The following ZNF106 variants were observed in gnomAD, a reference collection of about 807,000 sequenced individuals.
ZNF106 encodes SH3-domain binding protein 3.
Under a neutral mutation model 195.1 loss-of-function variants are expected in ZNF106, and 67 were observed. That is an observed-to-expected ratio of 0.34 (90% confidence interval 0.28 to 0.42). The LOEUF (loss-of-function observed/expected upper bound fraction) is 0.42, where lower values mean the gene tolerates loss of function less well. ZNF106 is among the 10% of genes least tolerant of loss of function. The pLI, the probability that ZNF106 is intolerant of heterozygous loss-of-function variation, is 1.00. For missense variants in ZNF106, 2,118 were observed against 2,304.5 expected (o/e 0.92, Z 1.66); for synonymous variants, 784 against 818.6 (o/e 0.96, Z 0.72).
At position 42,451,437 on chromosome 15, in the gene ZNF106, T is replaced by C. The variant is rs1223254316; in HGVS notation, c.835A>G (p.Met279Val). 7 of 1,614,206 alleles carry C rather than the reference T, an allele frequency of 4.3e-6. No individual in the cohort carries two copies. The South Asian group carries it at 5.5e-5, about 13-fold the overall frequency. ...PGRNRNSNCQ[M>V]EDMTMLWNKK... ...TTCCATAGCATAGTCATGTCTTCCATTTGACAGTTAGAATTTCTGTTTCTG... is the reference window on the plus strand; with the variant it reads ...TTCCATAGCATAGTCATGTCTTCCACTTGACAGTTAGAATTTCTGTTTCTG... The change falls in exon 5 of 22, where the codon ATG becomes GTG. Residue 279 changes from methionine (M) to valine (V), a missense_variant. By Grantham distance (21) the Met-to-Val change is conservative. Coordinates refer to ENST00000564754, the MANE Select transcript of ZNF106 (RefSeq NM_001366845.3).
chr15:42,460,344 C>A (rs16973265), intron 3 of ZNF106, among the ~76,000 whole-genome samples: 3 of 152,010 alleles, frequency 2.0e-5, no homozygotes, highest in Non-Finnish European at 4.4e-5. Context: ...TAAGGAATGT[C>A]GTATAAAGTA....
chr15:42,438,565 G>A (rs772546030), intron 12 of ZNF106, 47 bp downstream of exon 12: 7 of 1,521,882 alleles, frequency 4.6e-6, no homozygotes, highest in African/African-American at 1.4e-5. Flanking sequence ...ATATTTACAA[G>A]GCTTTTAATT....
intron 10 of ZNF106, among the ~76,000 whole-genome samples, chr15:42,441,433 CT>C (rs926681334): frequency 6.6e-6 from 1 of 151,990 alleles, no homozygotes; most frequent in African/African-American, 2.4e-5. Context: ...ATTTTTTAAA[CT>C]TTTTGCTTTT....
chr15:42,451,043 G>A lies in ZNF106; in HGVS notation c.1229C>T (p.Thr410Ile). The stretch of plus-strand genomic sequence containing the variant: ...ATCAGTTTGGGGCTCCTGTATTCCT[G>A]TAGTTATCAAGCTAAAATCAAAGAG... The part of the protein sequence containing the change: ...KPLFDFSLIT[T>I]GIQEPQTDET... The change falls in exon 5 of 22, where the codon ACA becomes ATA. Residue 410 changes from threonine (T) to isoleucine (I), a missense_variant. Thr to Ile is a moderately conservative substitution (Grantham distance 89). Transcript: ENST00000564754. 6.2e-7 allele frequency: 1 copy of A among 1,614,176 alleles called. No individual in the cohort carries two copies. Among genetic ancestry groups the A allele is most frequent in the Non-Finnish European group, 8.5e-7 (1 of 1,180,030 alleles).
chr15:42,438,515 T>C (rs2055371924), intron 12 of ZNF106, 97 bp downstream of exon 12: 1 of 1,093,484 alleles, frequency 9.1e-7, no homozygotes, highest in Non-Finnish European at 1.3e-6. Flanking sequence ...CATTCTCCTA[T>C]TCTATAAATA....
intron 14 of ZNF106, among the ~76,000 whole-genome samples, chr15:42,429,580 G>T (rs1020059855): frequency 5.9e-5 from 9 of 151,952 alleles, no homozygotes; most frequent in African/African-American, 2.2e-4. Context: ...AAATCCATTG[G>T]TCTCGTCTCC....
At chr15:42,428,241 AGT>A in intron 14 of ZNF106, 107 bp from the exon 15 acceptor site, 1 of 808,988 alleles carries the variant, frequency 1.2e-6, no homozygotes, top group Non-Finnish European at 2.0e-6. Flanking sequence ...TGCGGAAGAA[AGT>A]GTGACATCCT....
Position 42,431,659 on chromosome 15 carries a change from G to T in ZNF106, c.4882-3525C>A, listed in dbSNP as rs546409225. Among the ~76,000 whole-genome samples, 3 of 152,226 alleles carry T rather than the reference G, an allele frequency of 2.0e-5. No individual in the cohort carries two copies. In the South Asian group the frequency reaches 6.2e-4, roughly 32 times the overall value. On this transcript the variant is annotated intron_variant, in intron 14 of 21. Transcript: ENST00000564754. ...CCAGCTAATTTTTGTATTTTTAGTAGAGATGGGTTTCACCATGTTTTTCAG... is the reference window on the plus strand; with the variant it reads ...CCAGCTAATTTTTGTATTTTTAGTATAGATGGGTTTCACCATGTTTTTCAG...
chr15:42,477,086 C>A (rs897884157), intron 1 of ZNF106, among the ~76,000 whole-genome samples: 2 of 152,054 alleles, frequency 1.3e-5, no homozygotes, highest in African/African-American at 4.8e-5. Flanking sequence ...CTGTATTTTT[C>A]TTTATCAGTC....
intron 20 of ZNF106, among the ~76,000 whole-genome samples, chr15:42,419,063 C>CGAA (rs1555424598): frequency 1.9e-5 from 2 of 105,786 alleles, no homozygotes; most frequent in Non-Finnish European, 3.9e-5. Context: ...CTTTCTCTAC[C>CGAA]AAAAAAAAAA....
chr15:42,466,133 T>C lies in ZNF106; in HGVS notation c.55-19A>G, dbSNP rs1429656219. ...CCATCTCCTTCAAAATAAAAGAAAG[T>C]AGATTAAAACTAAGCAGGATTGCTT... On this transcript the variant is annotated intron_variant, in intron 2 of 21. Coordinates refer to ENST00000564754, the MANE Select transcript of ZNF106 (RefSeq NM_001366845.3). The C allele has an allele frequency of 1.3e-6, 2 of 1,523,024 alleles. No individual in the cohort carries two copies. Among genetic ancestry groups the C allele is most frequent in the East Asian group, 4.9e-5 (2 of 40,574 alleles). 94.3% of individuals were successfully genotyped at this position (1,523,024 alleles called of 1,614,324 possible). A position where few individuals can be genotyped will look rare whatever the true frequency, so the allele number is the denominator to read the frequency against.
chr15:42,457,950 C>T (rs1489714954), intron 3 of ZNF106, among the ~76,000 whole-genome samples: 2 of 152,156 alleles, frequency 1.3e-5, no homozygotes, highest in Non-Finnish European at 2.9e-5. Flanking sequence ...GCAAATCTCA[C>T]TTAGCCAGTC....
chr15:42,448,764 T>A, intron 5 of ZNF106, 59 bp from the exon 6 acceptor site: 2 of 1,505,290 alleles, frequency 1.3e-6, no homozygotes, highest in Non-Finnish European at 1.8e-6. Flanking sequence ...GGAGGGGCAT[T>A]ATTTTTTAAT....
At chr15:42,477,471 C>T (rs989752875) in intron 1 of ZNF106, among the ~76,000 whole-genome samples, 5 of 152,202 alleles carry the variant, frequency 3.3e-5, no homozygotes, top group Non-Finnish European at 7.3e-5. Flanking sequence ...TAACATCTTT[C>T]ATTTGGCCAC....
At position 42,415,648 on chromosome 15, in the gene ZNF106, T is replaced by G; in HGVS notation, c.*1656A>C. 3.5e-6 allele frequency: 1 copy of G among 286,280 alleles called. No individual in the cohort carries two copies. The highest frequency in any genetic ancestry group is 1.0e-4 in the East Asian group (1 of 9,540). The allele number at this position is 286,280 out of a possible 1,614,324, so 17.7% of individuals were successfully genotyped here. The stretch of plus-strand genomic sequence containing the variant: ...GGGGCGAAGACAGACCTGGATGGTC[T>G]GCAATCCCAGAGAGCATGAGGCACC... On this transcript the variant is annotated 3_prime_UTR_variant, in exon 22 of 22. Transcript: ENST00000564754.
chr15:42,436,823 C>T (rs2055289731), intron 13 of ZNF106, among the ~76,000 whole-genome samples: 1 of 152,196 alleles, frequency 6.6e-6, no homozygotes, highest in Admixed American at 6.5e-5. Flanking sequence ...ATGCAAGTGA[C>T]CCCATTACCA....
intron 1 of ZNF106, among the ~76,000 whole-genome samples, chr15:42,475,721 T>C (rs1216262400): frequency 6.6e-6 from 1 of 152,204 alleles, no homozygotes; most frequent in Non-Finnish European, 1.5e-5. Flanking sequence ...GTTACTTCAT[T>C]CAACAAACAT....
At chr15:42,455,634 G>C (rs915293988) in intron 4 of ZNF106, among the ~76,000 whole-genome samples, 2 of 152,038 alleles carry the variant, frequency 1.3e-5, no homozygotes, top group African/African-American at 4.8e-5. Flanking sequence ...CCCTGGCCTC[G>C]TCTCCTCATG....
chr15:42,462,234 AC>A (rs2056407432), intron 3 of ZNF106, among the ~76,000 whole-genome samples: 1 of 152,214 alleles, frequency 6.6e-6, no homozygotes, highest in Non-Finnish European at 1.5e-5. Context: ...AGAACACATT[AC>A]AGAACAAAAC....
Sources: gnomAD v4.1 joint callset for allele counts (sites outside exome capture counted in the v4.1 genomes callset) on GRCh38, gnomAD v4.1.1 for gene constraint, MANE v1.5 for transcripts, NCBI Gene and HGNC (gene_info 2026-07-23, HGNC 2026-07-21) for gene names.